The following SPAG6 variants were observed in gnomAD, a reference collection of about 807,000 sequenced individuals.
The protein encoded by SPAG6 is sperm associated antigen 6, also known as sperm-associated antigen 6.
In SPAG6, 49 loss-of-function variants were observed where a neutral mutation model predicts 58.5. That is an observed-to-expected ratio of 0.84 (90% CI 0.67 to 1.06). SPAG6 has a LOEUF of 1.06. Among genes scored for constraint, SPAG6 ranks in the 50% least tolerant of loss-of-function variants. The pLI is 0.00. For missense variants in SPAG6, 560 were observed against 611.3 expected, an observed-to-expected ratio of 0.92 and a Z score of 0.89; for synonymous variants, 233 against 225.6, an observed-to-expected ratio of 1.03 and a Z score of -0.29.
At chr10:22,416,515 A>T in intron 10 of SPAG6, 104 bp from the exon 11 acceptor site, 1 of 701,682 alleles carries the variant, frequency 1.4e-6, no homozygotes, top group Non-Finnish European at 2.6e-6. Context: ...TGTATTTGAG[A>T]TTTCACTCAC....
At chr10:22,364,796 AT>A in intron 2 of SPAG6, 56 bp from the exon 3 acceptor site, 1 of 1,358,632 alleles carries the variant, frequency 7.4e-7, no homozygotes, top group South Asian at 1.3e-5. Flanking sequence ...ACTGAATTGT[AT>A]TTTTGCTTTT....
At chr10:22,368,471 G>A in intron 3 of SPAG6, 24 bp from the exon 4 acceptor site, 6 of 1,596,730 alleles carry the variant, frequency 3.8e-6, no homozygotes, top group Non-Finnish European at 5.1e-6. Flanking sequence ...TTCATTTTGA[G>A]TTTTGTCTGT....
chr10:22,403,079 G>A (rs951073631), intron 9 of SPAG6, among the ~76,000 whole-genome samples: 4 of 151,970 alleles, frequency 2.6e-5, no homozygotes, highest in African/African-American at 7.2e-5. Context: ...AATAAATACA[G>A]TACTGTATCA....
At chr10:22,368,816 A>G in intron 4 of SPAG6, 138 bp downstream of exon 4, 1 of 582,444 alleles carries the variant, frequency 1.7e-6, no homozygotes, top group East Asian at 3.0e-5. Flanking sequence ...GTACGTTTTG[A>G]ATGATGGCCA....
intron 4 of SPAG6, among the ~76,000 whole-genome samples, chr10:22,369,798 T>C (rs894725282): frequency 2.0e-5 from 3 of 152,324 alleles, no homozygotes; most frequent in South Asian, 4.1e-4. Context: ...TAATAATGAA[T>C]GTCAGAGTGG....
At chr10:22,406,907 C>T (rs2130632399) in intron 9 of SPAG6, among the ~76,000 whole-genome samples, 1 of 151,664 alleles carries the variant, frequency 6.6e-6, no homozygotes, top group East Asian at 1.9e-4. Context: ...TTCTTTGTCT[C>T]TTTTGATCTT....
At chr10:22,362,285 A>C (rs970746876) in intron 2 of SPAG6, among the ~76,000 whole-genome samples, 1 of 150,426 alleles carries the variant, frequency 6.6e-6, no homozygotes, top group Non-Finnish European at 1.5e-5. Flanking sequence ...GGAAAAAATA[A>C]CATGAAACTT....
intron 9 of SPAG6, among the ~76,000 whole-genome samples, chr10:22,409,708 A>C (rs1834679962): frequency 6.6e-6 from 1 of 152,242 alleles, no homozygotes; most frequent in Non-Finnish European, 1.5e-5. Context: ...GGATAGTAGC[A>C]GTGACTAAGG....
intron 4 of SPAG6, among the ~76,000 whole-genome samples, chr10:22,386,472 C>T (rs941812828): frequency 2.0e-5 from 3 of 149,632 alleles, no homozygotes; most frequent in Admixed American, 6.6e-5. Flanking sequence ...CTGACATCTG[C>T]TTACTCTCTT....
intron 9 of SPAG6, among the ~76,000 whole-genome samples, chr10:22,409,119 G>T (rs899600522): frequency 6.6e-6 from 1 of 152,302 alleles, no homozygotes; most frequent in Non-Finnish European, 1.5e-5. Flanking sequence ...GTAGACCGGA[G>T]CTGTTCCTAT....
In SPAG6 at chr10:22,370,142, A is replaced by T. The variant is rs1057239240; in HGVS notation, c.472+1464A>T. Among the ~76,000 whole-genome samples, 9 of 152,358 alleles carry T rather than the reference A, an allele frequency of 5.9e-5. 1 individual carries two copies. Among genetic ancestry groups the T allele is most frequent in the Admixed American group, 5.2e-4 (8 of 15,306 alleles). On this transcript the variant is annotated intron_variant, in intron 4 of 10. Coordinates refer to ENST00000376624, the MANE Select transcript of SPAG6 (RefSeq NM_012443.4). ...AAAAGATATAAAATTGTATATTACAATTACAATAATGTAAACATAAGTTTT... is the reference window on the plus strand; with the variant it reads ...AAAAGATATAAAATTGTATATTACATTTACAATAATGTAAACATAAGTTTT...
intron 9 of SPAG6, among the ~76,000 whole-genome samples, chr10:22,406,334 T>C (rs927169290): frequency 1.3e-5 from 2 of 152,202 alleles, no homozygotes; most frequent in Non-Finnish European, 2.9e-5. Flanking sequence ...TCTGGTATGT[T>C]GTGTCTTTGT....
chr10:22,368,301 A>G (rs1837253296), intron 3 of SPAG6, among the ~76,000 whole-genome samples, 194 bp from the exon 4 acceptor site: 1 of 152,204 alleles, frequency 6.6e-6, no homozygotes, highest in Admixed American at 6.5e-5. Flanking sequence ...TTTTCAGTTG[A>G]GTTACTGAAC....
intron 2 of SPAG6, among the ~76,000 whole-genome samples, chr10:22,348,215 A>G (rs1238274558): frequency 6.6e-6 from 1 of 152,130 alleles, no homozygotes. Flanking sequence ...GGTCTCGATC[A>G]CTTGACCTTG....
chr10:22,405,044 A>G (rs533289659), intron 9 of SPAG6, among the ~76,000 whole-genome samples: 35 of 152,270 alleles, frequency 2.3e-4, no homozygotes, highest in African/African-American at 7.0e-4. Flanking sequence ...GGGCTGAGAC[A>G]ATGGGGTTTT....
chr10:22,374,109 T>G (rs1400313052), intron 4 of SPAG6, among the ~76,000 whole-genome samples: 1 of 152,198 alleles, frequency 6.6e-6, no homozygotes, highest in Non-Finnish European at 1.5e-5. Flanking sequence ...TAAAATCTTC[T>G]AATTTTTTTT....
chr10:22,389,922 T>G (rs573963723), intron 7 of SPAG6, among the ~76,000 whole-genome samples: 2 of 152,300 alleles, frequency 1.3e-5, no homozygotes, highest in Admixed American at 6.5e-5. Context: ...TAGTAGGTGC[T>G]TACGAAATGT....
At chr10:22,412,527 A>T in intron 10 of SPAG6, 1 of 1,441,804 alleles carries the variant, frequency 6.9e-7, no homozygotes, top group Non-Finnish European at 9.4e-7. Context: ...CCAATAGGTA[A>T]GCTTTGAAAT....
chr10:22,388,780 G>A (rs748945374), intron 6 of SPAG6, among the ~76,000 whole-genome samples: 10 of 152,068 alleles, frequency 6.6e-5, no homozygotes, highest in Non-Finnish European at 1.0e-4. Flanking sequence ...TTTCAAGTCC[G>A]ACATTGTCTT....
Sources: allele counts gnomAD v4.1 joint callset (sites outside exome capture counted in the v4.1 genomes callset), GRCh38; gene constraint gnomAD v4.1.1; transcripts MANE v1.5; gene names NCBI Gene and HGNC (gene_info 2026-07-23, HGNC 2026-07-21).